Variants in RBFOX1 observed in about 807,000 individuals in gnomAD.
RBFOX1 encodes RNA binding fox-1 homolog 1.
Under a neutral mutation model 57.7 loss-of-function variants are expected in RBFOX1, and 8 were observed. The observed-to-expected ratio is 0.14, with a 90% CI of 0.08 to 0.25. RBFOX1 has a LOEUF of 0.25. RBFOX1 is among the 10% of genes least tolerant of loss of function. The pLI, the probability that RBFOX1 is intolerant of heterozygous loss-of-function variation, is 1.00. For synonymous variants in RBFOX1, 326 were observed against 222.4 expected (o/e 1.47, Z -4.15); for missense variants, 611 against 548.5 (o/e 1.11, Z -1.14).
chr16:5,783,172 C>T (rs2054382026), intron 3 of RBFOX1, among the ~76,000 whole-genome samples: 1 of 152,002 alleles, frequency 6.6e-6, no homozygotes, highest in Non-Finnish European at 1.5e-5. Flanking sequence ...CAAAAACACA[C>T]AATATTTACA....
In RBFOX1 at chr16:6,976,431, C is replaced by A. The variant is rs530050554; in HGVS notation, c.-15-75626C>A. Among the ~76,000 whole-genome samples the A allele has an allele frequency of 1.4e-4, 21 of 152,196 alleles. 1 individual carries two copies. In the South Asian group the frequency reaches 2.7e-3, roughly 20 times the overall value. ...CCAGAGGCGAGCATGTTTTATACAT[C>A]TGTGGCTATTGGTTTTGTTCCAGGA... is the stretch of plus-strand genomic sequence containing the variant. On this transcript the variant is annotated intron_variant, in intron 3 of 15. Transcript: ENST00000550418.
intron 3 of RBFOX1, among the ~76,000 whole-genome samples, chr16:7,016,651 A>C (rs118094908): frequency 0.011 from 1,654 of 152,308 alleles, 15 homozygotes; most frequent in Non-Finnish European, 0.017. Context: ...ACACGATGCA[A>C]AACCAGAAAG....
intron 4 of RBFOX1, among the ~76,000 whole-genome samples, chr16:7,297,705 G>C (rs999602049): frequency 3.3e-5 from 5 of 152,120 alleles, no homozygotes; most frequent in African/African-American, 1.2e-4. Flanking sequence ...AGTAGTAGTT[G>C]TAGTAGCAAT....
intron 4 of RBFOX1, among the ~76,000 whole-genome samples, chr16:7,333,487 G>A (rs1327465387): frequency 6.6e-6 from 1 of 152,204 alleles, no homozygotes; most frequent in Non-Finnish European, 1.5e-5. Context: ...AATGAAAGGA[G>A]CATGAAATAT....
chr16:6,870,347 A>G (rs2060654368), intron 3 of RBFOX1, among the ~76,000 whole-genome samples: 1 of 152,208 alleles, frequency 6.6e-6, no homozygotes, highest in Admixed American at 6.5e-5. Flanking sequence ...GAAATCTGAT[A>G]TTCCAAGATG....
At chr16:6,904,531 G>T (rs1200540501) in intron 3 of RBFOX1, among the ~76,000 whole-genome samples, 2 of 147,056 alleles carry the variant, frequency 1.4e-5, no homozygotes, top group African/African-American at 2.5e-5. Context: ...AACCCAGGAG[G>T]CAGATGTTGC....
intron 2 of RBFOX1, among the ~76,000 whole-genome samples, chr16:6,579,305 G>T (rs1397847343): frequency 6.6e-6 from 1 of 152,092 alleles, no homozygotes; most frequent in Non-Finnish European, 1.5e-5. Context: ...CTGGGCTCAA[G>T]CAGTCCTCCC....
intron 4 of RBFOX1, among the ~76,000 whole-genome samples, chr16:5,931,634 C>T (rs1218098879): frequency 6.6e-6 from 1 of 152,124 alleles, no homozygotes; most frequent in African/African-American, 2.4e-5. Context: ...TGAGAGCTTC[C>T]AGGATCAAAC....
chr16:5,780,276 A>C (rs1437285606), intron 3 of RBFOX1, among the ~76,000 whole-genome samples: 1 of 152,258 alleles, frequency 6.6e-6, no homozygotes, highest in Non-Finnish European at 1.5e-5. Flanking sequence ...TGTTCGGATT[A>C]CAGGCGTGTG....
chr16:7,563,530 C>A (rs899631844), intron 5 of RBFOX1, among the ~76,000 whole-genome samples: 1 of 152,176 alleles, frequency 6.6e-6, no homozygotes, highest in African/African-American at 2.4e-5. Context: ...TGCAATGGCA[C>A]GATCTCTGCT....
At chr16:6,514,654 C>G (rs1203497350) in intron 2 of RBFOX1, among the ~76,000 whole-genome samples, 1 of 152,146 alleles carries the variant, frequency 6.6e-6, no homozygotes, top group African/African-American at 2.4e-5. Flanking sequence ...TCATCCATCT[C>G]TAACATGACC....
At chr16:7,336,830 C>G (rs1051478626) in intron 4 of RBFOX1, among the ~76,000 whole-genome samples, 2 of 152,162 alleles carry the variant, frequency 1.3e-5, no homozygotes, top group Non-Finnish European at 2.9e-5. Context: ...AAGTTGGGCA[C>G]CAAAGCTCAT....
intron 3 of RBFOX1, among the ~76,000 whole-genome samples, chr16:5,781,325 A>T (rs726241): frequency 1.3e-5 from 2 of 152,150 alleles, no homozygotes; most frequent in Admixed American, 6.5e-5. Context: ...TCTTGACTCT[A>T]TTGACTCTAT....
chr16:6,041,027 A>G (rs11642607), intron 1 of RBFOX1, among the ~76,000 whole-genome samples: 39,726 of 152,048 alleles, frequency 0.26, 5,494 homozygotes, highest in Non-Finnish European at 0.32. Context: ...TTGGACAAAT[A>G]CATAATGTTA....
chr16:6,950,829 CT>C (rs974385478), intron 3 of RBFOX1, among the ~76,000 whole-genome samples: 22 of 152,240 alleles, frequency 1.4e-4, no homozygotes, highest in African/African-American at 4.1e-4. Flanking sequence ...CATTTCCTTC[CT>C]CAGCTCTTTC....
intron 1 of RBFOX1, among the ~76,000 whole-genome samples, chr16:6,191,472 A>T (rs1035754390): frequency 2.2e-4 from 34 of 152,284 alleles, no homozygotes; most frequent in African/African-American, 6.7e-4. Context: ...GATATTTATC[A>T]TGATAAGTGA....
chr16:5,320,961 C>T (rs973293447), intron 1 of RBFOX1, among the ~76,000 whole-genome samples: 1 of 152,214 alleles, frequency 6.6e-6, no homozygotes, highest in African/African-American at 2.4e-5. Flanking sequence ...GCCCACAGAA[C>T]AGCTGTCCTG....
intron 1 of RBFOX1, among the ~76,000 whole-genome samples, chr16:6,230,756 A>T (rs2152902563): frequency 6.6e-6 from 1 of 152,338 alleles, no homozygotes; most frequent in South Asian, 2.1e-4. Context: ...CTGGGCTGTG[A>T]CCTTCTGGGA....
intron 1 of RBFOX1, among the ~76,000 whole-genome samples, chr16:6,276,663 G>C (rs888054515): frequency 2.8e-4 from 41 of 147,660 alleles, no homozygotes; most frequent in Non-Finnish European, 3.0e-5. Context: ...TTTTAATGTT[G>C]GATTCATATT....
Sources: allele counts gnomAD v4.1 joint callset (sites outside exome capture counted in the v4.1 genomes callset), GRCh38; gene constraint gnomAD v4.1.1; transcripts MANE v1.5; gene names NCBI Gene and HGNC (gene_info 2026-07-23, HGNC 2026-07-21).